Variants in ZNF718 observed in about 807,000 individuals in gnomAD.
ZNF718 encodes the protein zinc finger protein 718.
ZNF718 carries 3 observed loss-of-function variants against 2.6 expected under a neutral mutation model. That is an observed-to-expected ratio of 1.16 (90% CI 0.53 to 3.01). ZNF718 has a LOEUF of 3.01. Ranked by LOEUF, ZNF718 falls within the 30% of genes most tolerant of loss-of-function variation. ZNF718 has a pLI of 0.03. For missense variants in ZNF718, 468 were observed against 230.0 expected, an observed-to-expected ratio of 2.03 and a Z score of -6.69; for synonymous variants, 135 against 77.9, an observed-to-expected ratio of 1.73 and a Z score of -3.86.
At chr4:175,852 C>CTTTTTTTTTTT (rs1158577358) in intron 3 of ZNF718, among the ~76,000 whole-genome samples, 1 of 98,932 alleles carries the variant, frequency 1.0e-5, no homozygotes, top group Non-Finnish European at 2.0e-5. Context: ...GATTAACAGT[C>CTTTTTTTTTTT]TTTTTTTTTT....
At chr4:142,732 T>A (rs575622309) in intron 3 of ZNF718, among the ~76,000 whole-genome samples, 1 of 152,342 alleles carries the variant, frequency 6.6e-6, no homozygotes, top group Admixed American at 6.5e-5. Context: ...GTGCAGCTGC[T>A]GGCACTTGTG....
At chr4:143,784 C>T (rs1715918907) in intron 3 of ZNF718, among the ~76,000 whole-genome samples, 1 of 152,180 alleles carries the variant, frequency 6.6e-6, no homozygotes, top group Non-Finnish European at 1.5e-5. Flanking sequence ...GGTGAAAACA[C>T]ACCCCTGGCC....
intron 3 of ZNF718, among the ~76,000 whole-genome samples, chr4:183,580 T>C (rs1331030724): frequency 6.6e-6 from 1 of 152,222 alleles, no homozygotes; most frequent in African/African-American, 2.4e-5. Context: ...GAATTGAATC[T>C]ATAAATTTCT....
At chr4:144,549 C>G (rs782581271) in intron 3 of ZNF718, among the ~76,000 whole-genome samples, 2 of 152,118 alleles carry the variant, frequency 1.3e-5, no homozygotes, top group African/African-American at 2.4e-5. Context: ...TGAAGAATGT[C>G]ATTGATGCTT....
At chr4:180,249 TA>T (rs1717436867) in intron 3 of ZNF718, among the ~76,000 whole-genome samples, 1 of 152,232 alleles carries the variant, frequency 6.6e-6, no homozygotes, top group Non-Finnish European at 1.5e-5. Context: ...CAGCTGAAAC[TA>T]ATTCCAGTTG....
intron 1 of ZNF718, among the ~76,000 whole-genome samples, chr4:129,482 ACC>A: frequency 9.6e-6 from 1 of 104,282 alleles, no homozygotes; most frequent in South Asian, 3.0e-4. Flanking sequence ...TGGGGTGGCT[ACC>A]CCTACTGCCT....
chr4:158,716 G>T (rs1581456817), intron 3 of ZNF718, among the ~76,000 whole-genome samples: 1 of 147,766 alleles, frequency 6.8e-6, no homozygotes, highest in African/African-American at 2.6e-5. Flanking sequence ...GGGTTTTTTT[G>T]TTTGCTTTTA....
At chr4:197,328 A>G (rs1234223179) in intron 3 of ZNF718, among the ~76,000 whole-genome samples, 5 of 152,056 alleles carry the variant, frequency 3.3e-5, no homozygotes, top group Non-Finnish European at 7.4e-5. Flanking sequence ...CATTTTTCAT[A>G]TAAAAAAAGA....
intron 3 of ZNF718, among the ~76,000 whole-genome samples, chr4:157,271 C>T (rs1716617139): frequency 6.6e-6 from 1 of 151,848 alleles, no homozygotes. Flanking sequence ...TGCCACCATG[C>T]CCAGCTAATT....
At chr4:144,493 C>A (rs1553810843) in intron 3 of ZNF718, among the ~76,000 whole-genome samples, 3 of 152,064 alleles carry the variant, frequency 2.0e-5, no homozygotes, top group African/African-American at 7.2e-5. Context: ...TATTTTGAGT[C>A]TTTTATGGGT....
chr4:168,244 C>T (rs553962882), downstream of ZNF718, among the ~76,000 whole-genome samples: 27 of 152,204 alleles, frequency 1.8e-4, no homozygotes, highest in South Asian at 4.2e-4. Flanking sequence ...CTGCTGGATT[C>T]GGTTTGCCAG....
chr4:180,799 T>G (rs1388565827), intron 3 of ZNF718, among the ~76,000 whole-genome samples: 1 of 152,214 alleles, frequency 6.6e-6, no homozygotes, highest in South Asian at 2.1e-4. Context: ...AGTAATAATA[T>G]TGAAACATTT....
chr4:173,279 A>G (rs537891956), intron 3 of ZNF718, among the ~76,000 whole-genome samples: 73 of 152,244 alleles, frequency 4.8e-4, no homozygotes, highest in Admixed American at 1.0e-3. Flanking sequence ...ATTTACTACA[A>G]ACACAAGCAG....
intron 3 of ZNF718, among the ~76,000 whole-genome samples, chr4:154,762 A>C (rs782169998): frequency 2.0e-5 from 3 of 152,226 alleles, no homozygotes; most frequent in Non-Finnish European, 2.9e-5. Context: ...TAGACAAGAA[A>C]AACCCATTTT....
Position 142,550 on chromosome 4 carries a change from A to G in ZNF718, c.226+11045A>G, listed in dbSNP as rs1170196087. 5.3e-5 allele frequency among the ~76,000 whole-genome samples: 8 copies of G among 152,326 alleles called. No individual in the cohort carries two copies. The East Asian group carries it at 1.2e-3, about 22-fold the overall frequency. ...GAGGCCTTCACTCTTCTAGAGGGGC[A>G]TCATTTGTTAGGTCCTTTCCCATGG... is the stretch of plus-strand genomic sequence containing the variant. On this transcript the variant is annotated intron_variant, in intron 3 of 3. Coordinates refer to ENST00000510175, the MANE Select transcript of ZNF718 (RefSeq NM_001039127.6).
chr4:173,025 C>T (rs935484253), intron 3 of ZNF718, among the ~76,000 whole-genome samples: 1 of 151,984 alleles, frequency 6.6e-6, no homozygotes, highest in Non-Finnish European at 1.5e-5. Context: ...AGCCTGAAGA[C>T]AGAGTGAGAC....
intron 3 of ZNF718, among the ~76,000 whole-genome samples, chr4:157,397 G>T (rs950174673): frequency 6.6e-6 from 1 of 152,008 alleles, no homozygotes. Flanking sequence ...TAACAGGTGT[G>T]AGCCACCGCA....
In ZNF718 at chr4:161,552, T is replaced by A. The variant is rs782557457; in HGVS notation, c.867T>A (p.Gly289=). The change falls in exon 4 of 4, where the codon GGT becomes GGA. Residue 289 remains glycine (G), a synonymous_variant. Coordinates refer to ENST00000510175, the MANE Select transcript of ZNF718 (RefSeq NM_001039127.6). ...AATACTACAAATGTGAAGAATGTGGTAAAGCCTTTAAGTGGTCCTCATCCC... is the reference window on the plus strand; with the variant it reads ...AATACTACAAATGTGAAGAATGTGGAAAAGCCTTTAAGTGGTCCTCATCCC... The part of the protein sequence containing the change: ...AQKYYKCEEC[G]KAFKWSSSLN... 1 of 780,614 alleles carries A rather than the reference T, an allele frequency of 1.3e-6. No individual in the cohort carries two copies. The highest frequency in any genetic ancestry group is 2.4e-6 in the Non-Finnish European group (1 of 417,964). 48.4% of individuals were successfully genotyped at this position (780,614 alleles called of 1,614,324 possible).
chr4:190,159 G>A (rs112522779), intron 3 of ZNF718, among the ~76,000 whole-genome samples: 11 of 152,128 alleles, frequency 7.2e-5, no homozygotes, highest in Non-Finnish European at 1.5e-4. Flanking sequence ...GGCCGGGTGC[G>A]GTGGCTCACA....
Sources: gnomAD v4.1 joint callset for allele counts (sites outside exome capture counted in the v4.1 genomes callset) on GRCh38, gnomAD v4.1.1 for gene constraint, MANE v1.5 for transcripts, NCBI Gene and HGNC (gene_info 2026-07-23, HGNC 2026-07-21) for gene names.